Variants in CXCL13 observed in about 807,000 individuals in gnomAD.
The protein encoded by CXCL13 is C-X-C motif chemokine ligand 13, also known as C-X-C motif chemokine 13.
A neutral mutation model predicts 12.2 loss-of-function variants in CXCL13; 7 were observed. The ratio of observed to expected loss-of-function variants is 0.57; its 90% CI spans 0.33 to 1.07. The LOEUF is 1.07. Ranked by LOEUF, CXCL13 falls within the 50% of genes least tolerant of loss-of-function variation. The pLI, the probability that CXCL13 is intolerant of heterozygous loss-of-function variation, is 0.04. For synonymous variants in CXCL13, 47 were observed against 42.4 expected, an observed-to-expected ratio of 1.11 and a Z score of -0.42; for missense variants, 113 against 127.4, an observed-to-expected ratio of 0.89 and a Z score of 0.55.
chr4:77,605,985 C>G (rs993158214), intron 1 of CXCL13, 56 bp downstream of exon 1: 2 of 1,260,788 alleles, frequency 1.6e-6, no homozygotes, highest in Non-Finnish European at 2.2e-6. Flanking sequence ...TCTTTAACCA[C>G]TTCAATTTTC....
intron 1 of CXCL13, among the ~76,000 whole-genome samples, chr4:77,584,125 G>A (rs1405527290): frequency 6.6e-6 from 1 of 152,190 alleles, no homozygotes; most frequent in Non-Finnish European, 1.5e-5. Context: ...GCATTCAAGT[G>A]TAGGGCCAAA....
At chr4:77,550,165 C>A (rs1725475248) in intron 1 of CXCL13, among the ~76,000 whole-genome samples, 3 of 152,216 alleles carry the variant, frequency 2.0e-5, no homozygotes, top group Admixed American at 2.0e-4. Context: ...AGGGTATAAT[C>A]TCCTAGTGTG....
At chr4:77,550,367 A>G (rs971175066) in intron 1 of CXCL13, among the ~76,000 whole-genome samples, 3 of 152,136 alleles carry the variant, frequency 2.0e-5, no homozygotes, top group African/African-American at 7.2e-5. Flanking sequence ...AGCCAGTCCC[A>G]ATGAGACGAA....
intron 1 of CXCL13, among the ~76,000 whole-genome samples, chr4:77,557,050 G>A (rs553520107): frequency 4.6e-5 from 7 of 151,406 alleles, no homozygotes; most frequent in Middle Eastern, 3.4e-3. Flanking sequence ...GAGAGAGAGA[G>A]AAAAGAAAAA....
upstream of CXCL13, among the ~76,000 whole-genome samples, chr4:77,604,554 A>G (rs1481518237): frequency 6.6e-6 from 1 of 152,048 alleles, no homozygotes; most frequent in East Asian, 1.9e-4. Flanking sequence ...ACACAAGCAT[A>G]AACAAACTGC....
At chr4:77,591,124 C>T (rs563362830) in intron 1 of CXCL13, among the ~76,000 whole-genome samples, 13 of 152,182 alleles carry the variant, frequency 8.5e-5, no homozygotes, top group African/African-American at 1.4e-4. Context: ...GTGATCTACC[C>T]GCCTGGGCGT....
intron 1 of CXCL13, among the ~76,000 whole-genome samples, chr4:77,572,505 A>G (rs1726110058): frequency 6.6e-6 from 1 of 151,984 alleles, no homozygotes; most frequent in Admixed American, 6.5e-5. Flanking sequence ...ATCACTGATC[A>G]TTAGAGAACT....
chr4:77,534,183 C>T (rs963794981), intron 1 of CXCL13, among the ~76,000 whole-genome samples: 1 of 151,090 alleles, frequency 6.6e-6, no homozygotes, highest in African/African-American at 2.4e-5. Flanking sequence ...TTCCACCTGG[C>T]AGTTTCTTAA....
At chr4:77,609,479 GT>G (rs940885728) in intron 2 of CXCL13, among the ~76,000 whole-genome samples, 2 of 151,372 alleles carry the variant, frequency 1.3e-5, no homozygotes, top group African/African-American at 4.9e-5. Context: ...TGCCCAGCTA[GT>G]TTTTTTTATT....
At position 77,537,191 on chromosome 4, in the gene CXCL13, G is replaced by T. The variant is rs762202534; in HGVS notation, c.-43+25403G>T. ...ACTGCAAGGGATAGTTTATTACTCT[G>T]GGACTGGCAGCTATAAGAGTACTAC... On this transcript the variant is annotated intron_variant, in intron 1 of 4. Coordinates refer to the CXCL13 transcript ENST00000286758. 1.3e-4 allele frequency among the ~76,000 whole-genome samples: 20 copies of T among 152,194 alleles called. 1 individual carries two copies. The highest frequency in any genetic ancestry group is 3.3e-4 in the Admixed American group (5 of 15,280).
At chr4:77,534,529 A>G (rs764098203) in intron 1 of CXCL13, among the ~76,000 whole-genome samples, 3 of 152,258 alleles carry the variant, frequency 2.0e-5, no homozygotes, top group Non-Finnish European at 4.4e-5. Flanking sequence ...TGTCATTGGG[A>G]GAAACAGTGA....
intron 1 of CXCL13, among the ~76,000 whole-genome samples, chr4:77,557,153 T>C (rs556321696): frequency 4.6e-5 from 7 of 152,228 alleles, no homozygotes; most frequent in Non-Finnish European, 1.0e-4. Flanking sequence ...GTTTCAAATG[T>C]TGTTGATTTA....
chr4:77,546,154 A>G (rs1363433516), intron 1 of CXCL13, among the ~76,000 whole-genome samples: 2 of 152,270 alleles, frequency 1.3e-5, no homozygotes, highest in African/African-American at 2.4e-5. Flanking sequence ...GCTTGCCACT[A>G]TCTTACTGAG....
intron 1 of CXCL13, among the ~76,000 whole-genome samples, chr4:77,596,903 T>C (rs1464094685): frequency 6.6e-6 from 1 of 152,032 alleles, no homozygotes; most frequent in Non-Finnish European, 1.5e-5. Context: ...GACGTGGGAA[T>C]GACCTAAGTG....
chr4:77,573,934 G>A (rs1726150235), intron 1 of CXCL13, among the ~76,000 whole-genome samples: 1 of 151,888 alleles, frequency 6.6e-6, no homozygotes, highest in Non-Finnish European at 1.5e-5. Context: ...CATCTGTTTA[G>A]AGACACCTTG....
intron 1 of CXCL13, among the ~76,000 whole-genome samples, chr4:77,528,554 C>T (rs939601177): frequency 5.9e-5 from 9 of 152,112 alleles, no homozygotes; most frequent in African/African-American, 1.4e-4. Flanking sequence ...TTTCATGTGG[C>T]TTTTGGCTGC....
At position 77,588,670 on chromosome 4, in the gene CXCL13, C is replaced by T. The variant is rs568133093; in HGVS notation, c.-42-17154C>T. Among the ~76,000 whole-genome samples the T allele has an allele frequency of 6.6e-5, 10 of 152,224 alleles. No individual in the cohort carries two copies. The South Asian group carries it at 2.1e-3, about 31-fold the overall frequency. ...TTTTGGATACTCAGTTCTCTCTAGCCTGAGACATGAATCTGGCTCTATCTT... is the reference window on the plus strand; with the variant it reads ...TTTTGGATACTCAGTTCTCTCTAGCTTGAGACATGAATCTGGCTCTATCTT... On this transcript the variant is annotated intron_variant, in intron 1 of 4. Transcript: ENST00000286758.
chr4:77,523,280 C>T (rs1724662864), intron 1 of CXCL13, among the ~76,000 whole-genome samples: 2 of 152,180 alleles, frequency 1.3e-5, no homozygotes, highest in Admixed American at 6.5e-5. Context: ...GGGAAGTTCT[C>T]CTGGATAATA....
At chr4:77,549,870 C>A (rs1725463501) in intron 1 of CXCL13, among the ~76,000 whole-genome samples, 1 of 152,228 alleles carries the variant, frequency 6.6e-6, no homozygotes, top group Admixed American at 6.5e-5. Context: ...CTGCTCTCTT[C>A]AAAGCTGTCA....
Sources: allele counts gnomAD v4.1 joint callset (sites outside exome capture counted in the v4.1 genomes callset), GRCh38; gene constraint gnomAD v4.1.1; transcripts MANE v1.5; gene names NCBI Gene and HGNC (gene_info 2026-07-23, HGNC 2026-07-21).